GEN1: variants seen among roughly 807,000 people sequenced by gnomAD.
GEN1 encodes the protein flap endonuclease GEN homolog 1.
In GEN1, 64 loss-of-function variants were observed where a neutral mutation model predicts 67.6. The ratio of observed to expected loss-of-function variants is 0.95; its 90% confidence interval spans 0.77 to 1.17. The LOEUF is 1.17. GEN1 is among the 50% of genes most tolerant of loss of function. The pLI is 0.00. For synonymous variants in GEN1, 371 were observed against 359.4 expected, an observed-to-expected ratio of 1.03 and a Z score of -0.37; for missense variants, 1,058 against 1,048.3, an observed-to-expected ratio of 1.01 and a Z score of -0.13.
At chr2:17,778,193 C>CACATATGTGTATATATATGTATACAT (rs1672550219) in intron 12 of GEN1, 130 bp downstream of exon 12, 1 of 405,512 alleles carries the variant, frequency 2.5e-6, no homozygotes, top group Non-Finnish European at 4.6e-6. Flanking sequence ...TATATACACA[C>CACATATGTGTATATATATGTATACAT]ACACATATAT....
rs1673100486 is a variant in GEN1, at chr2:17,787,640, G to A, written c.*5701G>A. ...CCCGGCAGAGGGATTGGCACAGAAA[G>A]TGTCCAGTGAGGCCGGGTGTGGGGG... On this transcript the variant is annotated 3_prime_UTR_variant, in exon 14 of 14. Transcript: ENST00000381254. 1 of 152,270 alleles carries A rather than the reference G, an allele frequency of 6.6e-6. No homozygotes were observed. The highest frequency in any genetic ancestry group is 2.1e-4 in the South Asian group (1 of 4,834). 9.4% of individuals were successfully genotyped at this position (152,270 alleles called of 1,614,324 possible).
chr2:17,766,181 T>C (rs903059551), intron 4 of GEN1, among the ~76,000 whole-genome samples: 3 of 152,218 alleles, frequency 2.0e-5, no homozygotes, highest in African/African-American at 7.2e-5. Flanking sequence ...TTTTTTTCTT[T>C]TTTTGAGACG....
chr2:17,759,034 A>G (rs1671553817), intron 1 of GEN1, among the ~76,000 whole-genome samples: 1 of 152,212 alleles, frequency 6.6e-6, no homozygotes, highest in African/African-American at 2.4e-5. Flanking sequence ...CAGACAATAC[A>G]GTACTTTTTA....
chr2:17,775,821 CATATA>C (rs1672398427), intron 11 of GEN1, among the ~76,000 whole-genome samples: 2 of 152,272 alleles, frequency 1.3e-5, no homozygotes, highest in African/African-American at 4.8e-5. Flanking sequence ...ACTACATTAT[CATATA>C]ATATTTTTGC....
Position 17,781,167 on chromosome 2 carries a change from A to G in GEN1, c.1955A>G (p.Asp652Gly). The change falls in exon 14 of 14, where the codon GAT becomes GGT. Residue 652 changes from aspartate (D) to glycine (G), a missense_variant. Transcript: ENST00000381254. ...AAGAAAGTGTTGGATGAGGATTCTG[A>G]TGGGATTAGTCCTGAAGAGCATCTA... Reference protein sequence around the residue: ...NIKKVLDEDSDGISPEEHLLS... With the variant: ...NIKKVLDEDSGGISPEEHLLS... 1 of 1,613,926 alleles carries G rather than the reference A, an allele frequency of 6.2e-7. No individual in the cohort carries two copies. The highest frequency in any genetic ancestry group is 8.5e-7 in the Non-Finnish European group (1 of 1,179,872).
Position 17,778,020 on chromosome 2 carries a change from C to A in GEN1, c.1221C>A (p.Ile407=). 6.3e-7 allele frequency: 1 copy of A among 1,593,726 alleles called. No homozygotes were observed. Among genetic ancestry groups the A allele is most frequent in the South Asian group, 1.1e-5 (1 of 90,268 alleles). The change falls in exon 12 of 14, where the codon ATC becomes ATA. Residue 407 remains isoleucine (I), a synonymous_variant. Coordinates refer to ENST00000381254, the MANE Select transcript of GEN1 (RefSeq NM_001130009.3). The stretch of plus-strand genomic sequence containing the variant: ...TTTTCAGAATTGTTAAGACTCGAAT[C>A]AGAAATGGAGTTCATTGTTTTGAAA... ...LQPIRIVKTR[I]RNGVHCFEIE...
intron 5 of GEN1, 58 bp from the exon 6 acceptor site, chr2:17,768,680 C>T (rs1379208102): frequency 8.0e-7 from 1 of 1,254,766 alleles, no homozygotes; most frequent in Non-Finnish European, 1.2e-6. Flanking sequence ...AATTAATATA[C>T]TTTTAACCAT....
At position 17,776,158 on chromosome 2, in the gene GEN1, A is replaced by G. The variant is rs140123451; in HGVS notation, c.1202+1757A>G. Among the ~76,000 whole-genome samples the G allele has an allele frequency of 2.6e-4, 40 of 151,734 alleles. No homozygotes were observed. The East Asian group carries it at 6.8e-3, about 26-fold the overall frequency. ...AAAAGGAAAGTTTAATCTGTATCTAATCATGAGGAAACAATCTAATGAATC... is the reference window on the plus strand; with the variant it reads ...AAAAGGAAAGTTTAATCTGTATCTAGTCATGAGGAAACAATCTAATGAATC... On this transcript the variant is annotated intron_variant, in intron 11 of 13. Coordinates refer to ENST00000381254, the MANE Select transcript of GEN1 (RefSeq NM_001130009.3).
Position 17,783,505 on chromosome 2 carries a change from A to G in GEN1, c.*1566A>G, listed in dbSNP as rs990933581. 1.3e-5 allele frequency: 2 copies of G among 152,260 alleles called. No individual in the cohort carries two copies. The highest frequency in any genetic ancestry group is 2.9e-5 in the Non-Finnish European group (2 of 68,052). The allele number at this position is 152,260 out of a possible 1,614,324, so 9.4% of individuals were successfully genotyped here. On this transcript the variant is annotated 3_prime_UTR_variant, in exon 14 of 14. Coordinates refer to ENST00000381254, the MANE Select transcript of GEN1 (RefSeq NM_001130009.3). ...TCCAGCTGGTTTCTTTGCTGATTCT[A>G]AAATTCATATGGAAATTTCAGGAAC...
rs1553331284 is a variant in GEN1, at chr2:17,778,323, C to CATGTGT, written c.1264+260_1264+261insATGTGT. 3.2e-4 allele frequency among the ~76,000 whole-genome samples: 10 copies of CATGTGT among 30,866 alleles called. 2 individuals are homozygous for CATGTGT. The Admixed American group carries it at 3.9e-3, about 12-fold the overall frequency. The allele number at this position is 30,866 out of a possible 152,430, so 20.2% of individuals were successfully genotyped here. On this transcript the variant is annotated intron_variant, in intron 12 of 13. Transcript: ENST00000381254. ...GTACATATATGTATATACACACACA[C>CATGTGT]GTGTACATATATGTATACACACACA... is the stretch of plus-strand genomic sequence containing the variant.
rs1672167309 is a variant in GEN1 at position 17,771,128 on chromosome 2, A to G, written c.711-68A>G. ...GTGAAAGGGAATAGATCAGCCTGAT[A>G]TTTGAGAACATACCGTTTTTGTGAC... is the stretch of plus-strand genomic sequence containing the variant. On this transcript the variant is annotated intron_variant, in intron 6 of 13. Coordinates refer to ENST00000381254, the MANE Select transcript of GEN1 (RefSeq NM_001130009.3). 8 of 890,696 alleles carry G rather than the reference A, an allele frequency of 9.0e-6. No individual in the cohort carries two copies. In the East Asian group the frequency reaches 2.0e-4, roughly 22 times the overall value. 55.2% of individuals were successfully genotyped at this position (890,696 alleles called of 1,614,324 possible).
rs150264679 is a variant in GEN1, at chr2:17,773,242, C to T, written c.1014C>T (p.Asn338=). ...FHEVIQEFLL[N]KDKLVKVIRY... ...AGGTTATTCAAGAATTCCTTTTAAA[C>T]AAGGATAAATTGGTGAAGGTTATCA... Residue 338 remains asparagine, a synonymous_variant, in exon 10 of 14, where the codon AAC becomes AAT. Coordinates refer to ENST00000381254, the MANE Select transcript of GEN1 (RefSeq NM_001130009.3). 6.2e-6 allele frequency: 10 copies of T among 1,600,038 alleles called. No homozygotes were observed. In the African/African-American group the frequency reaches 1.3e-4, roughly 22 times the overall value.
intron 3 of GEN1, among the ~76,000 whole-genome samples, chr2:17,764,082 A>T (rs937014319): frequency 1.3e-5 from 2 of 152,234 alleles, no homozygotes; most frequent in Middle Eastern, 3.2e-3. Context: ...CAAGCTACCC[A>T]GCGGGGTTAA....
chr2:17,764,982 G>T lies in GEN1; in HGVS notation c.434G>T (p.Gly145Val). 1.2e-6 allele frequency: 2 copies of T among 1,614,124 alleles called. No homozygotes were observed. ...GCCATGTGTGCTTATCTCAATGCTG[G>T]TGGTCATGTCGATGGCTGCCTCACC... is the stretch of plus-strand genomic sequence containing the variant. Reference protein sequence around the residue: ...AEAMCAYLNAGGHVDGCLTND... With the variant: ...AEAMCAYLNAVGHVDGCLTND... Residue 145 changes from glycine to valine, a missense_variant, in exon 4 of 14, where the codon GGT becomes GTT. Gly to Val is a moderately radical substitution (Grantham distance 109). Transcript: ENST00000381254.
At position 17,788,724 on chromosome 2, in the gene GEN1, T is replaced by G. The variant is rs1673131480; in HGVS notation, c.*6785T>G. The stretch of plus-strand genomic sequence containing the variant: ...GTTAAATCTTCATCTACCACCCAAC[T>G]GATACCTGCCTTTCTGTGAGTGAAA... On this transcript the variant is annotated 3_prime_UTR_variant, in exon 14 of 14. Transcript: ENST00000381254. 6.6e-6 allele frequency: 1 copy of G among 152,230 alleles called. No homozygotes were observed. Among genetic ancestry groups the G allele is most frequent in the Non-Finnish European group, 1.5e-5 (1 of 68,042 alleles). The allele number at this position is 152,230 out of a possible 1,614,324, so 9.4% of individuals were successfully genotyped here. A position where few individuals can be genotyped will look rare whatever the true frequency, so the allele number is the denominator to read the frequency against.
chr2:17,778,135 T>A, intron 12 of GEN1, 72 bp downstream of exon 12: 1 of 598,994 alleles, frequency 1.7e-6, no homozygotes, highest in Middle Eastern at 2.9e-4. Context: ...ATATTGTATA[T>A]GTGTATATAT....
rs1161404785 is a variant in GEN1 at position 17,781,740 on chromosome 2, C to T, written c.2528C>T (p.Pro843Leu). The part of the protein sequence containing the change: ...KESGHNKLSS[P>L]KIHIKETEQC... ...AGTGGCCATAACAAGTTGAGTAGCC[C>T]TAAGATACATATTAAAGAAACTGAA... Residue 843 changes from proline (P) to leucine (L), a missense_variant, in exon 14 of 14, where the codon CCT (proline) becomes CTT (leucine). Coordinates refer to ENST00000381254, the MANE Select transcript of GEN1 (RefSeq NM_001130009.3). The T allele has an allele frequency of 1.2e-6, 2 of 1,613,558 alleles. No homozygotes were observed. The highest frequency in any genetic ancestry group is 4.5e-5 in the East Asian group (2 of 44,830).
intron 5 of GEN1, among the ~76,000 whole-genome samples, chr2:17,767,908 C>T (rs1209616986): frequency 6.6e-6 from 1 of 152,164 alleles, no homozygotes; most frequent in Non-Finnish European, 1.5e-5. Context: ...AACGTGTATG[C>T]CAAAGACATA....
At chr2:17,771,125 G>C in intron 6 of GEN1, 71 bp from the exon 7 acceptor site, 1 of 873,244 alleles carries the variant, frequency 1.1e-6, no homozygotes, top group Non-Finnish European at 1.9e-6. Flanking sequence ...AGATCAGCCT[G>C]ATATTTGAGA....
Sources: allele counts gnomAD v4.1 joint callset (sites outside exome capture counted in the v4.1 genomes callset), GRCh38; gene constraint gnomAD v4.1.1; transcripts MANE v1.5; gene names NCBI Gene and HGNC (gene_info 2026-07-23, HGNC 2026-07-21).